The following GCNT1 variants were observed in gnomAD, a reference collection of about 807,000 sequenced individuals.
GCNT1 encodes the protein beta-1,3-galactosyl-O-glycosyl-glycoprotein beta-1,6-N-acetylglucosaminyltransferase.
In GCNT1, 16 loss-of-function variants were observed where a neutral mutation model predicts 26.2. That is an observed-to-expected ratio of 0.61 (90% CI 0.41 to 0.93). GCNT1 has a LOEUF of 0.93. GCNT1 is among the 40% of genes least tolerant of loss of function. The pLI, the probability that GCNT1 is intolerant of heterozygous loss-of-function variation, is 0.00. For synonymous variants in GCNT1, 183 were observed against 190.8 expected, an observed-to-expected ratio of 0.96 and a Z score of 0.34; for missense variants, 477 against 526.7, an observed-to-expected ratio of 0.91 and a Z score of 0.92.
upstream of GCNT1, among the ~76,000 whole-genome samples, chr9:76,419,407 T>C (rs1020568955): frequency 6.6e-6 from 1 of 152,194 alleles, no homozygotes; most frequent in Non-Finnish European, 1.5e-5. Context: ...TAGTGGGTCA[T>C]GTTTGTAATT....
At chr9:76,477,568 T>A (rs1426664148) in intron 2 of GCNT1, among the ~76,000 whole-genome samples, 1 of 151,938 alleles carries the variant, frequency 6.6e-6, no homozygotes, top group Non-Finnish European at 1.5e-5. Context: ...TTCATCTCAT[T>A]CACTTACCTG....
At chr9:76,475,935 G>A (rs898083000) in intron 2 of GCNT1, among the ~76,000 whole-genome samples, 1 of 152,128 alleles carries the variant, frequency 6.6e-6, no homozygotes. Flanking sequence ...GTTTTGCTCC[G>A]TGGCCTCCAA....
At chr9:76,463,265 G>C (rs555527487) in intron 2 of GCNT1, among the ~76,000 whole-genome samples, 1 of 149,866 alleles carries the variant, frequency 6.7e-6, no homozygotes, top group African/African-American at 2.4e-5. Flanking sequence ...TAATTTGTGG[G>C]GCCCCTTGTT....
intron 2 of GCNT1, among the ~76,000 whole-genome samples, chr9:76,467,178 G>A (rs993900249): frequency 6.6e-6 from 1 of 152,130 alleles, no homozygotes; most frequent in Non-Finnish European, 1.5e-5. Flanking sequence ...AAGTATCTGG[G>A]ACTACAGGCA....
intron 2 of GCNT1, among the ~76,000 whole-genome samples, chr9:76,482,139 G>A (rs995463551): frequency 6.6e-6 from 1 of 152,072 alleles, no homozygotes; most frequent in Non-Finnish European, 1.5e-5. Context: ...CAAAAAGACA[G>A]TGCCTCACTT....
rs1397836458 is a variant in GCNT1, at chr9:76,502,386, T to C, written c.5T>C (p.Leu2Pro). ...AATCCCTGATTATTGTTTGAAATGC[T>C]GAGGACGTTGCTGCGAAGGAGACTT... Reference protein sequence around the residue: MLRTLLRRRLFS... With the variant: MPRTLLRRRLFS... Residue 2 changes from leucine (L) to proline (P), a missense_variant, in exon 4 of 4, where the codon CTG (leucine) becomes CCG (proline). Transcript: ENST00000376730. The C allele has an allele frequency of 6.2e-7, 1 of 1,607,384 alleles. No individual in the cohort carries two copies. The highest frequency in any genetic ancestry group is 8.5e-7 in the Non-Finnish European group (1 of 1,174,630).
At chr9:76,428,687 G>A (rs1375100092) in intron 1 of GCNT1, among the ~76,000 whole-genome samples, 2 of 146,524 alleles carry the variant, frequency 1.4e-5, no homozygotes, top group African/African-American at 5.0e-5. Context: ...TAACGTAGCT[G>A]TTGCGTATTC....
intron 1 of GCNT1, among the ~76,000 whole-genome samples, 198 bp from the exon 2 acceptor site, chr9:76,459,859 CCTT>C (rs1389795312): frequency 2.6e-5 from 4 of 152,290 alleles, no homozygotes; most frequent in South Asian, 2.1e-4. Context: ...CCCTCGCTTT[CCTT>C]CTTCTCGCGG....
In GCNT1 at chr9:76,504,329, T is replaced by G. The variant is rs1003196543; in HGVS notation, c.*661T>G. ...AACCAAAAAATGACAATTTCTAGTT[T>G]AGTTAATTTCTACAAATCATCTTAT... On this transcript the variant is annotated 3_prime_UTR_variant, in exon 4 of 4. Transcript: ENST00000376730. 1 of 170,614 alleles carries G rather than the reference T, an allele frequency of 5.9e-6. No individual in the cohort carries two copies. The highest frequency in any genetic ancestry group is 2.4e-5 in the African/African-American group (1 of 41,632). 10.6% of individuals were successfully genotyped at this position (170,614 alleles called of 1,614,324 possible).
At chr9:76,502,191 A>G (rs1476247470) in intron 3 of GCNT1, 48 bp from the exon 4 acceptor site, 138 of 181,982 alleles carry the variant, frequency 7.6e-4, no homozygotes, top group Middle Eastern at 2.2e-3. Flanking sequence ...ATATATATAT[A>G]TATATATATA....
chr9:76,487,550 C>T (rs567111), intron 2 of GCNT1, among the ~76,000 whole-genome samples: 34,786 of 152,138 alleles, frequency 0.23, 4,493 homozygotes, highest in African/African-American at 0.35. Context: ...TGAGCCACCG[C>T]GCCCAGCCAG....
the GCNT1 span, among the ~76,000 whole-genome samples, chr9:76,410,491 C>T: frequency 9.7e-4 from 147 of 152,118 alleles, 3 homozygotes; most frequent in South Asian, 0.029. Context: ...GTGGCTCAGG[C>T]GTGTCATCCC....
intron 1 of GCNT1, among the ~76,000 whole-genome samples, chr9:76,435,071 G>C (rs1823390031): frequency 6.6e-6 from 1 of 152,148 alleles, no homozygotes; most frequent in Non-Finnish European, 1.5e-5. Flanking sequence ...TTTGACCTTT[G>C]CCTTGTGATC....
At chr9:76,475,722 G>A (rs1287544613) in intron 2 of GCNT1, among the ~76,000 whole-genome samples, 3 of 152,164 alleles carry the variant, frequency 2.0e-5, no homozygotes, top group Non-Finnish European at 4.4e-5. Flanking sequence ...TATTGAGCAT[G>A]TGCTGTGTGT....
intron 1 of GCNT1, among the ~76,000 whole-genome samples, chr9:76,436,071 C>A (rs1227003512): frequency 6.6e-6 from 1 of 151,166 alleles, no homozygotes; most frequent in Non-Finnish European, 1.5e-5. Context: ...CCCTCCTCAG[C>A]CTCCCCAGTA....
chr9:76,443,208 C>T (rs1307847329), intron 1 of GCNT1, among the ~76,000 whole-genome samples: 2 of 152,090 alleles, frequency 1.3e-5, no homozygotes, highest in African/African-American at 4.8e-5. Context: ...AAGACCAGCT[C>T]GGTTGGGGAG....
rs1040724409 is a variant in GCNT1, at chr9:76,505,516, C to T, written c.*1848C>T. 1.2e-5 allele frequency: 2 copies of T among 166,672 alleles called. No individual in the cohort carries two copies. The highest frequency in any genetic ancestry group is 4.1e-4 in the South Asian group (2 of 4,828). The allele number at this position is 166,672 out of a possible 1,614,324, so 10.3% of individuals were successfully genotyped here. On this transcript the variant is annotated 3_prime_UTR_variant, in exon 4 of 4. Coordinates refer to ENST00000376730, the MANE Select transcript of GCNT1 (RefSeq NM_001490.5). ...CTTCTCTTAGCAGAAAAGTTTTTAC[C>T]TATAAGACAGGGCACCTTTTAACTC... is the stretch of plus-strand genomic sequence containing the variant.
At chr9:76,495,711 T>G (rs766799202) in intron 2 of GCNT1, among the ~76,000 whole-genome samples, 1 of 152,150 alleles carries the variant, frequency 6.6e-6, no homozygotes, top group Non-Finnish European at 1.5e-5. Flanking sequence ...CACCTCTCAA[T>G]AAGGCCACTC....
intron 1 of GCNT1, among the ~76,000 whole-genome samples, chr9:76,444,580 T>C (rs1165485693): frequency 1.3e-5 from 2 of 152,208 alleles, no homozygotes; most frequent in South Asian, 2.1e-4. Flanking sequence ...CTGCTGGATT[T>C]AGAACCACAG....
Sources: gnomAD v4.1 joint callset for allele counts (sites outside exome capture counted in the v4.1 genomes callset) on GRCh38, gnomAD v4.1.1 for gene constraint, MANE v1.5 for transcripts, NCBI Gene and HGNC (gene_info 2026-07-23, HGNC 2026-07-21) for gene names.